Variants in IL24 observed in about 807,000 individuals in gnomAD.
IL24 encodes the protein interleukin-24.
IL24 carries 24 observed loss-of-function variants against 27.6 expected under a neutral mutation model. The observed-to-expected ratio is 0.87, with a 90% confidence interval of 0.63 to 1.22. The LOEUF (loss-of-function observed/expected upper bound fraction) is 1.22, where lower values mean the gene tolerates loss of function less well. IL24 is among the 50% of genes most tolerant of loss of function. IL24 has a pLI of 0.00. For synonymous variants in IL24, 99 were observed against 93.1 expected (o/e 1.06, Z -0.36); for missense variants, 240 against 237.0 (o/e 1.01, Z -0.08).
chr1:206,902,094 T>C (rs368977081), intron 6 of IL24, 22 bp downstream of exon 6: 10 of 1,613,828 alleles, frequency 6.2e-6, no homozygotes, highest in African/African-American at 4.0e-5. Context: ...AGCTGAGAGC[T>C]TGCCCATCCA....
In IL24 at chr1:206,899,606, G is replaced by A. The variant is rs3093422; in HGVS notation, c.240+91G>A. 3.3e-3 allele frequency: 3,595 copies of A among 1,089,930 alleles called. 66 individuals are homozygous for A. In the African/African-American group the frequency reaches 0.04, roughly 12 times the overall value. 67.5% of individuals were successfully genotyped at this position (1,089,930 alleles called of 1,614,324 possible). A position where few individuals can be genotyped will look rare whatever the true frequency, so the allele number is the denominator to read the frequency against. On this transcript the variant is annotated intron_variant, in intron 3 of 6. Transcript: ENST00000294984. The stretch of plus-strand genomic sequence containing the variant: ...GGGGATGCTATTTTATGATTCTGGA[G>A]TCCTTCACAGCTTGCTAATCAGTTT...
In IL24 at chr1:206,901,665, C is replaced by T. The variant is rs190442232; in HGVS notation, c.462+13C>T. ...ACTGCAACCCAGTGTGAGTAGCACA[C>T]GCTCTGGATACTGGCAGCTCTGGGT... On this transcript the variant is annotated intron_variant, in intron 5 of 6. Transcript: ENST00000294984. The T allele has an allele frequency of 1.4e-5, 23 of 1,608,182 alleles. No homozygotes were observed. Among genetic ancestry groups the T allele is most frequent in the Middle Eastern group, 1.7e-4 (1 of 5,856 alleles).
Position 206,899,305 on chromosome 1 carries a change from C to T in IL24, c.45-15C>T, listed in dbSNP as rs1678283909. On this transcript the variant is annotated splice_polypyrimidine_tract_variant and intron_variant, in intron 2 of 6. Coordinates refer to ENST00000294984, the MANE Select transcript of IL24 (RefSeq NM_006850.3). ...GAGGGCCGGCCTCACAGGCTGCCTC[C>T]CTTTCTTTCAGCAGACCCTTCTGCC... The T allele has an allele frequency of 1.9e-6, 3 of 1,611,536 alleles. No homozygotes were observed. Among genetic ancestry groups the T allele is most frequent in the South Asian group, 2.2e-5 (2 of 90,812 alleles).
chr1:206,901,938 G>A (rs889517289), intron 5 of IL24, 60 bp from the exon 6 acceptor site: 6 of 1,531,532 alleles, frequency 3.9e-6, no homozygotes, highest in South Asian at 1.1e-5. Context: ...AAAACTGAGA[G>A]GGAGTTTGCA....
At position 206,899,437 on chromosome 1, in the gene IL24, C is replaced by G. The variant is rs970968583; in HGVS notation, c.162C>G (p.Phe54Leu). The G allele has an allele frequency of 1.2e-6, 2 of 1,614,102 alleles. No individual in the cohort carries two copies. Among genetic ancestry groups the G allele is most frequent in the Non-Finnish European group, 1.7e-6 (2 of 1,179,966 alleles). ...SQVSGAQGQE[F>L]HFGPCQVKGV... is the part of the protein sequence containing the mutation. ...TATCAGGGGCCCAGGGCCAAGAATT[C>G]CACTTTGGGCCCTGCCAAGTGAAGG... The change falls in exon 3 of 7, where the codon TTC (phenylalanine) becomes TTG (leucine). Residue 54 changes from phenylalanine to leucine, a missense_variant. Transcript: ENST00000294984.
At chr1:206,898,194 G>A (rs200656661) in intron 2 of IL24, among the ~76,000 whole-genome samples, 5,382 of 147,954 alleles carry the variant, frequency 0.036, 245 homozygotes, top group East Asian at 0.18. Flanking sequence ...AAAGCCTGTG[G>A]AGTTTGAAAG....
intron 3 of IL24, 150 bp from the exon 4 acceptor site, chr1:206,900,145 G>A: frequency 1.4e-6 from 1 of 718,956 alleles, no homozygotes; most frequent in Non-Finnish European, 2.4e-6. Context: ...GCTCAGCCCA[G>A]TCCTTCCTGG....
At position 206,903,678 on chromosome 1, in the gene IL24, C is replaced by G. The variant is rs3748669; in HGVS notation, c.*619C>G. ...GATCCTCAATAAACATTTCATTTCCCACCCACACTCGCCAGCTCACCCCAT... is the reference window on the plus strand; with the variant it reads ...GATCCTCAATAAACATTTCATTTCCGACCCACACTCGCCAGCTCACCCCAT... On this transcript the variant is annotated 3_prime_UTR_variant, in exon 7 of 7. Coordinates refer to ENST00000294984, the MANE Select transcript of IL24 (RefSeq NM_006850.3). 12,078 of 152,404 alleles carry G rather than the reference C, an allele frequency of 0.079. 904 individuals are homozygous for G. The highest frequency in any genetic ancestry group is 0.18 in the African/African-American group (7,505 of 41,484). 9.4% of individuals were successfully genotyped at this position (152,404 alleles called of 1,614,324 possible). A position where few individuals can be genotyped will look rare whatever the true frequency, so the allele number is the denominator to read the frequency against.
rs1162637167 is a variant in IL24, at chr1:206,903,103, C to T, written c.*44C>T. 6.6e-7 allele frequency: 1 copy of T among 1,515,322 alleles called. No homozygotes were observed. The highest frequency in any genetic ancestry group is 1.7e-5 in the Admixed American group (1 of 59,898). 93.9% of individuals were successfully genotyped at this position (1,515,322 alleles called of 1,614,324 possible). On this transcript the variant is annotated 3_prime_UTR_variant, in exon 7 of 7. Transcript: ENST00000294984. ...CCCTCCCCCTGGCACTGGTTTGTTC[C>T]CTGTGTCATTTCAAACAGTCTCCCT...
intron 2 of IL24, among the ~76,000 whole-genome samples, chr1:206,899,014 A>G (rs925120848): frequency 6.6e-6 from 1 of 152,138 alleles, no homozygotes; most frequent in African/African-American, 2.4e-5. Context: ...TCTGACTCGC[A>G]GGTTGTAGGC....
intron 5 of IL24, 40 bp from the exon 6 acceptor site, chr1:206,901,958 A>T (rs369059255): frequency 6.3e-7 from 1 of 1,598,470 alleles, no homozygotes; most frequent in South Asian, 1.1e-5. Flanking sequence ...ATCTGCTCCT[A>T]TCTAAAAATT....
At chr1:206,898,725 A>AGT (rs1405443135) in intron 2 of IL24, among the ~76,000 whole-genome samples, 1 of 152,134 alleles carries the variant, frequency 6.6e-6, no homozygotes, top group East Asian at 1.9e-4. Context: ...CTCAAGAGTG[A>AGT]GTGGTTAGTG....
Position 206,903,990 on chromosome 1 carries a change from T to C in IL24, c.*931T>C, listed in dbSNP as rs1055925079. 2.0e-5 allele frequency: 3 copies of C among 152,378 alleles called. No homozygotes were observed. Among genetic ancestry groups the C allele is most frequent in the African/African-American group, 7.2e-5 (3 of 41,468 alleles). 9.4% of individuals were successfully genotyped at this position (152,378 alleles called of 1,614,324 possible). On this transcript the variant is annotated 3_prime_UTR_variant, in exon 7 of 7. Transcript: ENST00000294984. ...AGCCTCAAGCTCTGGCTGAACTTTG[T>C]GGTCGACATCAATCTAAAGATACAG...
Position 206,902,043 on chromosome 1 carries a change from T to C in IL24, c.508T>C (p.Phe170Leu), listed in dbSNP as rs79685336. 1 of 1,612,974 alleles carries C rather than the reference T, an allele frequency of 6.2e-7. No homozygotes were observed. Among genetic ancestry groups the C allele is most frequent in the Non-Finnish European group, 8.5e-7 (1 of 1,179,030 alleles). The change falls in exon 6 of 7, where the codon TTT becomes CTT. Residue 170 changes from phenylalanine (F) to leucine (L), a missense_variant. Physicochemically the swap from Phe to Leu is conservative, Grantham distance 22. Transcript: ENST00000294984. ...FSIRDSAHRR[F>L]LLFRRAFKQL... ...CATCAGAGACAGTGCACACAGGCGGTTTCTGCTATTCCGGAGAGCATTCAA... is the reference window on the plus strand; with the variant it reads ...CATCAGAGACAGTGCACACAGGCGGCTTCTGCTATTCCGGAGAGCATTCAA...
chr1:206,901,823 A>G (rs1678395062), intron 5 of IL24, among the ~76,000 whole-genome samples, 171 bp downstream of exon 5: 1 of 152,126 alleles, frequency 6.6e-6, no homozygotes, highest in South Asian at 2.1e-4. Context: ...GAATTAAAGG[A>G]GGTAGCCCCT....
In IL24 at chr1:206,901,322, C is replaced by A. The variant is rs144973888; in HGVS notation, c.304-172C>A. Among the ~76,000 whole-genome samples, 464 of 152,242 alleles carry A rather than the reference C, an allele frequency of 3.0e-3. 1 individual carries two copies. Among genetic ancestry groups the A allele is most frequent in the South Asian group, 8.7e-3 (42 of 4,812 alleles). ...CTTGGTTCCTCCTCTCAAACAAAGA[C>A]CTGCTCTCCATGGCCCCTGAAGGCT... On this transcript the variant is annotated intron_variant, in intron 4 of 6. Coordinates refer to ENST00000294984, the MANE Select transcript of IL24 (RefSeq NM_006850.3).
At position 206,903,858 on chromosome 1, in the gene IL24, T is replaced by A. The variant is rs3093437; in HGVS notation, c.*799T>A. 0.037 allele frequency: 5,681 copies of A among 152,382 alleles called. 244 individuals carry two copies. The highest frequency in any genetic ancestry group is 0.18 in the East Asian group (962 of 5,326). The allele number at this position is 152,382 out of a possible 1,614,324, so 9.4% of individuals were successfully genotyped here. Reference sequence around the variant, plus strand: ...CATTCCCTGCTAATAAAAGACAACATAACTCAAGTCTGGCAGACTTTCTTC... The same window carrying A: ...CATTCCCTGCTAATAAAAGACAACAAAACTCAAGTCTGGCAGACTTTCTTC... On this transcript the variant is annotated 3_prime_UTR_variant, in exon 7 of 7. Transcript: ENST00000294984.
chr1:206,902,211 C>G, intron 6 of IL24, 139 bp downstream of exon 6: 4 of 1,411,258 alleles, frequency 2.8e-6, no homozygotes, highest in Non-Finnish European at 3.7e-6. Flanking sequence ...CCTGACTTAG[C>G]AGGAGCACAG....
Position 206,900,352 on chromosome 1 carries a change from G to T in IL24, c.298G>T (p.Val100Phe), listed in dbSNP as rs551792796. 1 of 1,614,014 alleles carries T rather than the reference G, an allele frequency of 6.2e-7. No homozygotes were observed. The highest frequency in any genetic ancestry group is 2.2e-5 in the East Asian group (1 of 44,868). ...GCTGCAGCAGGAGGTTCTGCAGAAC[G>T]TCTCGGTAATCAGACCTCGGGGACA... ...RLLQQEVLQN[V>F]SDAESCYLVH... is the part of the protein sequence containing the mutation. Residue 100 changes from valine to phenylalanine, a missense_variant, in exon 4 of 7, where the codon GTC (valine) becomes TTC (phenylalanine). Transcript: ENST00000294984.
Sources: allele counts gnomAD v4.1 joint callset (sites outside exome capture counted in the v4.1 genomes callset), GRCh38; gene constraint gnomAD v4.1.1; transcripts MANE v1.5; gene names NCBI Gene and HGNC (gene_info 2026-07-23, HGNC 2026-07-21).